The following PHACTR3 variants were observed in gnomAD, a reference collection of about 807,000 sequenced individuals.
PHACTR3 encodes phosphatase and actin regulator 3.
A neutral mutation model predicts 66.8 loss-of-function variants in PHACTR3; 16 were observed. That is an observed-to-expected ratio of 0.24 (90% CI 0.16 to 0.36). PHACTR3 has a LOEUF of 0.36. Among genes scored for constraint, PHACTR3 ranks in the 10% least tolerant of loss-of-function variants. The pLI, the probability that PHACTR3 is intolerant of heterozygous loss-of-function variation, is 1.00. For synonymous variants in PHACTR3, 323 were observed against 292.1 expected (o/e 1.11, Z -1.08); for missense variants, 647 against 719.9 (o/e 0.90, Z 1.16).
At chr20:59,761,868 A>G (rs568512843) in intron 4 of PHACTR3, among the ~76,000 whole-genome samples, 21 of 152,322 alleles carry the variant, frequency 1.4e-4, no homozygotes, top group South Asian at 2.1e-4. Context: ...TGCATTTGGT[A>G]AGAGGGAGCC....
intron 3 of PHACTR3, among the ~76,000 whole-genome samples, 172 bp downstream of exon 3, chr20:59,748,007 G>A (rs905390464): frequency 6.6e-6 from 1 of 152,148 alleles, no homozygotes; most frequent in Non-Finnish European, 1.5e-5. Flanking sequence ...CCATTCCATT[G>A]GTCCAGCCCC....
At chr20:59,713,059 G>T (rs759366111) in intron 1 of PHACTR3, among the ~76,000 whole-genome samples, 1 of 152,238 alleles carries the variant, frequency 6.6e-6, no homozygotes, top group Non-Finnish European at 1.5e-5. Context: ...AAGCGAGTTT[G>T]CCTCATTTCT....
chr20:59,741,295 G>A (rs1015812235), intron 1 of PHACTR3, among the ~76,000 whole-genome samples: 18 of 152,246 alleles, frequency 1.2e-4, no homozygotes, highest in Non-Finnish European at 1.5e-4. Flanking sequence ...CCAGCTGTCG[G>A]GGAGTGTGTA....
At position 59,767,316 on chromosome 20, in the gene PHACTR3, C is replaced by T. The variant is rs137871705; in HGVS notation, c.672C>T (p.Ser224=). 26 of 1,614,046 alleles carry T rather than the reference C, an allele frequency of 1.6e-5. No individual in the cohort carries two copies. Among genetic ancestry groups the T allele is most frequent in the East Asian group, 2.2e-5 (1 of 44,886 alleles). Residue 224 remains serine, a synonymous_variant, in exon 5 of 13, where the codon TCC becomes TCT. Coordinates refer to ENST00000371015, the MANE Select transcript of PHACTR3 (RefSeq NM_080672.5). The stretch of plus-strand genomic sequence containing the variant: ...GTCCTCCCAGACCTCTGGAGAGATC[C>T]GTGGGCCAGCTCCCCAGCCCCCCAC... The part of the protein sequence containing the change: ...LDSPPRPLER[S]VGQLPSPPLL...
chr20:59,583,997 C>T (rs888931781), intron 1 of PHACTR3, among the ~76,000 whole-genome samples: 1 of 152,240 alleles, frequency 6.6e-6, no homozygotes, highest in Non-Finnish European at 1.5e-5. Context: ...CGAAGTGGGC[C>T]AGACCGGTGG....
At chr20:59,807,452 C>T (rs1212705976) in intron 8 of PHACTR3, among the ~76,000 whole-genome samples, 1 of 152,208 alleles carries the variant, frequency 6.6e-6, no homozygotes. Flanking sequence ...AGAACAGTGC[C>T]TTCTGGATTC....
At chr20:59,609,441 C>T (rs2033781554) in intron 1 of PHACTR3, among the ~76,000 whole-genome samples, 1 of 152,132 alleles carries the variant, frequency 6.6e-6, no homozygotes, top group Admixed American at 6.5e-5. Context: ...ACACGGGCCT[C>T]CTGGAGCCCA....
Position 59,632,979 on chromosome 20 carries a change from G to A in PHACTR3, c.118+27847G>A, listed in dbSNP as rs2034720369. 3.3e-5 allele frequency among the ~76,000 whole-genome samples: 5 copies of A among 152,284 alleles called. No individual in the cohort carries two copies. The South Asian group carries it at 1.0e-3, about 32-fold the overall frequency. On this transcript the variant is annotated intron_variant, in intron 1 of 12. Coordinates refer to ENST00000371015, the MANE Select transcript of PHACTR3 (RefSeq NM_080672.5). Reference sequence around the variant, plus strand: ...AGAAAGACTGGCCTGCAGTGCTCTTGCTTTTGCACTTCCGTCCCCCACCTT... The same window carrying A: ...AGAAAGACTGGCCTGCAGTGCTCTTACTTTTGCACTTCCGTCCCCCACCTT...
chr20:59,715,341 A>C (rs2038055842), intron 1 of PHACTR3, among the ~76,000 whole-genome samples: 1 of 152,190 alleles, frequency 6.6e-6, no homozygotes, highest in Non-Finnish European at 1.5e-5. Flanking sequence ...TAAGTGTGTT[A>C]GGAGTTTTAT....
At chr20:59,619,410 G>A (rs1424427198) in intron 1 of PHACTR3, among the ~76,000 whole-genome samples, 1 of 152,046 alleles carries the variant, frequency 6.6e-6, no homozygotes, top group African/African-American at 2.4e-5. Flanking sequence ...CCCTGCTGAT[G>A]GTCAACAGAG....
intron 1 of PHACTR3, among the ~76,000 whole-genome samples, chr20:59,723,044 TTTTCTTTCTTTCTTTCTCTTTCTTTC>T (rs2038383825): frequency 6.7e-6 from 1 of 149,720 alleles, no homozygotes; most frequent in Non-Finnish European, 1.5e-5. Context: ...TTATTTCTCT[TTTTCTTTCTTTCTTTCTCTTTCTTTC>T]TTTCTTTCTT....
upstream of PHACTR3, among the ~76,000 whole-genome samples, chr20:59,600,549 C>T (rs1277313127): frequency 1.3e-5 from 2 of 152,170 alleles, no homozygotes; most frequent in Non-Finnish European, 2.9e-5. Flanking sequence ...GCAGGGGTGC[C>T]TCATACATGC....
chr20:59,702,965 T>A (rs17731856), intron 1 of PHACTR3, among the ~76,000 whole-genome samples: 18,968 of 152,216 alleles, frequency 0.12, 1,532 homozygotes, highest in Non-Finnish European at 0.17. Context: ...TGATGTATCA[T>A]TCTAAACAAG....
intron 1 of PHACTR3, among the ~76,000 whole-genome samples, chr20:59,654,586 T>TA (rs1431916046): frequency 6.6e-5 from 10 of 152,148 alleles, no homozygotes; most frequent in African/African-American, 2.4e-4. Flanking sequence ...GATTCTTTCC[T>TA]AAAAAATTAA....
chr20:59,764,026 G>A (rs1040783654), intron 4 of PHACTR3, among the ~76,000 whole-genome samples: 13 of 152,190 alleles, frequency 8.5e-5, no homozygotes, highest in African/African-American at 3.1e-4. Flanking sequence ...GTTTGGTTTT[G>A]GGTAGAATAT....
chr20:59,798,983 G>A (rs548549912), intron 7 of PHACTR3, among the ~76,000 whole-genome samples: 6 of 151,918 alleles, frequency 3.9e-5, no homozygotes, highest in South Asian at 4.2e-4. Flanking sequence ...TTGATATATT[G>A]TATTTTCATT....
intron 1 of PHACTR3, among the ~76,000 whole-genome samples, chr20:59,664,287 C>T (rs1365731556): frequency 6.6e-6 from 1 of 152,148 alleles, no homozygotes; most frequent in Non-Finnish European, 1.5e-5. Flanking sequence ...TTTCTGTTTT[C>T]AAATTCCCCC....
chr20:59,577,585 A>T lies in PHACTR3; in HGVS notation c.77A>T (p.Asp26Val), dbSNP rs765998050. 2.3e-3 allele frequency: 2,806 copies of T among 1,207,954 alleles called. 5 individuals carry two copies. The highest frequency in any genetic ancestry group is 3.5e-3 in the Admixed American group (80 of 22,736). The allele number at this position is 1,207,954 out of a possible 1,614,324, so 74.8% of individuals were successfully genotyped here. The change falls in exon 1 of 13, where the codon GAC (aspartate) becomes GTC (valine). Residue 26 changes from aspartate (D) to valine (V), a missense_variant. Physicochemically the swap from Asp to Val is radical, Grantham distance 152. Coordinates refer to the PHACTR3 transcript ENST00000359926. ...CTGCTGGGCGCCTTCGGGGCCCGGG[A>T]CGCTGCCGCCGCCGCCCGAGATCCT...
At chr20:59,681,643 A>G (rs761895795) in intron 1 of PHACTR3, among the ~76,000 whole-genome samples, 2 of 152,270 alleles carry the variant, frequency 1.3e-5, no homozygotes, top group Non-Finnish European at 2.9e-5. Flanking sequence ...TTTAATGTTC[A>G]TAAGCTTCAG....
Sources: allele counts gnomAD v4.1 joint callset (sites outside exome capture counted in the v4.1 genomes callset), GRCh38; gene constraint gnomAD v4.1.1; transcripts MANE v1.5; gene names NCBI Gene and HGNC (gene_info 2026-07-23, HGNC 2026-07-21).